The following PIP variants were observed in gnomAD, a reference collection of about 807,000 sequenced individuals.
PIP encodes prolactin-inducible protein.
In PIP, 9 loss-of-function variants were observed where a neutral mutation model predicts 12.8. The ratio of observed to expected loss-of-function variants is 0.70; its 90% CI spans 0.42 to 1.23. PIP has a LOEUF of 1.23. Among genes scored for constraint, PIP ranks in the 50% most tolerant of loss-of-function variants. PIP has a pLI of 0.00. For synonymous variants in PIP, 60 were observed against 66.1 expected (o/e 0.91, Z 0.45); for missense variants, 172 against 179.5 (o/e 0.96, Z 0.24).
At chr7:143,135,152 G>GTC in intron 1 of PIP, 42 bp from the exon 2 acceptor site, 1 of 1,051,798 alleles carries the variant, frequency 9.5e-7, no homozygotes, top group Non-Finnish European at 1.5e-6. Flanking sequence ...TCAAAGATTG[G>GTC]TCTCTGATCC....
chr7:143,134,729 T>G (rs765399080), intron 1 of PIP, among the ~76,000 whole-genome samples: 8 of 151,976 alleles, frequency 5.3e-5, no homozygotes, highest in Non-Finnish European at 1.0e-4. Flanking sequence ...AAGTGGCATG[T>G]GGTATTGTAC....
At chr7:143,134,222 ATATATATATATACC>A (rs1799278081) in intron 1 of PIP, among the ~76,000 whole-genome samples, 1 of 105,124 alleles carries the variant, frequency 9.5e-6, no homozygotes, top group Admixed American at 9.4e-5. Context: ...ATATATATAT[ATATATATATATACC>A]ACAGTTTCTT....
At chr7:143,137,512 C>A (rs940761095) in intron 2 of PIP, among the ~76,000 whole-genome samples, 1 of 152,124 alleles carries the variant, frequency 6.6e-6, no homozygotes, top group Admixed American at 6.5e-5. Flanking sequence ...ACACGTCCCA[C>A]GTGCCATGCT....
intron 1 of PIP, among the ~76,000 whole-genome samples, chr7:143,133,529 C>T (rs570576349): frequency 2.6e-5 from 4 of 152,106 alleles, no homozygotes; most frequent in East Asian, 1.9e-4. Context: ...TTTCTAGGGA[C>T]GAGAAAATAA....
At chr7:143,136,439 G>A (rs185588373) in intron 2 of PIP, among the ~76,000 whole-genome samples, 26 of 152,182 alleles carry the variant, frequency 1.7e-4, no homozygotes, top group African/African-American at 6.0e-4. Context: ...CCCCACACCT[G>A]TAAAGAAAAA....
At chr7:143,135,841 G>A (rs1037476448) in intron 2 of PIP, among the ~76,000 whole-genome samples, 3 of 152,004 alleles carry the variant, frequency 2.0e-5, no homozygotes, top group Non-Finnish European at 4.4e-5. Flanking sequence ...CAAGGAGCTC[G>A]TAATCATCTC....
At chr7:143,139,395 G>C (rs1799345099) in intron 3 of PIP, 123 bp from the exon 4 acceptor site, 1 of 1,286,108 alleles carries the variant, frequency 7.8e-7, no homozygotes, top group African/African-American at 1.5e-5. Context: ...AGTTGATACA[G>C]GAGACAAATT....
At chr7:143,136,516 T>C (rs1799311337) in intron 2 of PIP, among the ~76,000 whole-genome samples, 1 of 152,056 alleles carries the variant, frequency 6.6e-6, no homozygotes, top group South Asian at 2.1e-4. Context: ...AGTCCAAGAA[T>C]CTGAGACATG....
In PIP at chr7:143,139,175, AC is replaced by A; in HGVS notation, c.303del (p.Tyr103ThrfsTer18). ...GACAATCCAAAAACCTTCTACTGGG[AC>A]TTTTACACCAACAGTAAGTACAGAA... ...CDDNPKTFYW[D>X]FYTNRTVQIA... On this transcript the variant is annotated frameshift_variant, in exon 3 of 4. Coordinates refer to ENST00000291009, the MANE Select transcript of PIP (RefSeq NM_002652.3). LOFTEE classifies it low-confidence loss of function (END_TRUNC). 1 of 1,568,526 alleles carries A rather than the reference AC, an allele frequency of 6.4e-7. No homozygotes were observed.
In PIP at chr7:143,133,318, C is replaced by T. The variant is rs547476528; in HGVS notation, c.95+1107C>T. ...CTGGTCATCCTATCAATCTGAAACT[C>T]ATATACAAATGGGAGAGATTTTGAA... On this transcript the variant is annotated intron_variant, in intron 1 of 3. Transcript: ENST00000291009. 3.4e-4 allele frequency among the ~76,000 whole-genome samples: 51 copies of T among 152,124 alleles called. No homozygotes were observed. In the South Asian group the frequency reaches 0.01, roughly 30 times the overall value.
chr7:143,139,258 A>G (rs1442638307), intron 3 of PIP, 69 bp downstream of exon 3: 7 of 975,876 alleles, frequency 7.2e-6, no homozygotes, highest in Non-Finnish European at 1.2e-5. Flanking sequence ...TATAAACAGA[A>G]ACATGGCTGC....
Position 143,139,569 on chromosome 7 carries a change from G to A in PIP, c.368G>A (p.Cys123Tyr). Residue 123 changes from cysteine to tyrosine, a missense_variant, in exon 4 of 4, where the codon TGC becomes TAC. Transcript: ENST00000291009. The stretch of plus-strand genomic sequence containing the variant: ...GATGTTATTCGGGAATTAGGCATCT[G>A]CCCTGATGATGCTGCTGTAATCCCC... ...VVDVIRELGI[C>Y]PDDAAVIPIK... The A allele has an allele frequency of 6.2e-7, 1 of 1,611,450 alleles. No individual in the cohort carries two copies.
intron 1 of PIP, 75 bp downstream of exon 1, chr7:143,132,286 C>G: frequency 6.6e-7 from 1 of 1,524,100 alleles, no homozygotes; most frequent in Non-Finnish European, 9.0e-7. Flanking sequence ...AATTACATAT[C>G]TCTTTCTGAG....
Position 143,139,220 on chromosome 7 carries a change from T to G in PIP, c.316+31T>G, listed in dbSNP as rs377275174. On this transcript the variant is annotated intron_variant, in intron 3 of 3. Transcript: ENST00000291009. ...TACAGAAGTTGTCCAAGGAGGGAAC[T>G]ACCCACCAGCCACCAGGGAGGAGAA... is the stretch of plus-strand genomic sequence containing the variant. 19 of 1,212,156 alleles carry G rather than the reference T, an allele frequency of 1.6e-5. No individual in the cohort carries two copies. The African/African-American group carries it at 2.8e-4, about 18-fold the overall frequency. 75.1% of individuals were successfully genotyped at this position (1,212,156 alleles called of 1,614,324 possible). A position where few individuals can be genotyped will look rare whatever the true frequency, so the allele number is the denominator to read the frequency against.
In PIP at chr7:143,139,684, A is replaced by C. The variant is rs1316537487; in HGVS notation, c.*42A>C. The C allele has an allele frequency of 6.4e-7, 1 of 1,572,492 alleles. No homozygotes were observed. Among genetic ancestry groups the C allele is most frequent in the Admixed American group, 1.7e-5 (1 of 57,996 alleles). On this transcript the variant is annotated 3_prime_UTR_variant, in exon 4 of 4. Transcript: ENST00000291009. ...TTGCCACACCCAGGTGATTTCCTCT[A>C]AAGAAACTTGGCTGGAATTTCTGCT... is the stretch of plus-strand genomic sequence containing the variant.
intron 2 of PIP, among the ~76,000 whole-genome samples, chr7:143,135,553 G>T (rs1269578776): frequency 6.6e-6 from 1 of 152,140 alleles, no homozygotes; most frequent in Middle Eastern, 3.4e-3. Flanking sequence ...AAGTGAGAAA[G>T]AGGGAAAAAG....
At chr7:143,136,000 A>G (rs1799305873) in intron 2 of PIP, among the ~76,000 whole-genome samples, 1 of 152,062 alleles carries the variant, frequency 6.6e-6, no homozygotes, top group Non-Finnish European at 1.5e-5. Flanking sequence ...CTGGATTTTA[A>G]CAGACGCCCA....
At chr7:143,133,801 G>A (rs1799269220) in intron 1 of PIP, among the ~76,000 whole-genome samples, 1 of 151,672 alleles carries the variant, frequency 6.6e-6, no homozygotes, top group Admixed American at 6.6e-5. Flanking sequence ...ATGTTTGCTG[G>A]GTTTTTAAAA....
At chr7:143,132,276 AATTAC>A in intron 1 of PIP, 65 bp downstream of exon 1, 1 of 1,560,144 alleles carries the variant, frequency 6.4e-7, no homozygotes, top group South Asian at 1.1e-5. Context: ...CCAGTCTGGA[AATTAC>A]ATATCTCTTT....
Sources: allele counts gnomAD v4.1 joint callset (sites outside exome capture counted in the v4.1 genomes callset), GRCh38; gene constraint gnomAD v4.1.1; transcripts MANE v1.5; gene names NCBI Gene and HGNC (gene_info 2026-07-23, HGNC 2026-07-21).